Variants in TDG observed in about 807,000 individuals in gnomAD.
The protein encoded by TDG is thymine DNA glycosylase.
Under a neutral mutation model 46.1 loss-of-function variants are expected in TDG, and 23 were observed. That is an observed-to-expected ratio of 0.50 (90% CI 0.36 to 0.71). The LOEUF is 0.71. Among genes scored for constraint, TDG ranks in the 30% least tolerant of loss-of-function variants. The pLI is 0.00. For synonymous variants in TDG, 115 were observed against 161.3 expected (o/e 0.71, Z 2.18); for missense variants, 304 against 486.7 (o/e 0.62, Z 3.53).
intron 2 of TDG, among the ~76,000 whole-genome samples, chr12:103,978,630 A>G (rs1871654806): frequency 6.6e-6 from 1 of 152,218 alleles, no homozygotes; most frequent in East Asian, 1.9e-4. Flanking sequence ...GGAAACGCCA[A>G]AGAGGAGTAG....
chr12:103,974,118 G>A (rs1430087836), intron 1 of TDG, among the ~76,000 whole-genome samples: 1 of 152,066 alleles, frequency 6.6e-6, no homozygotes, highest in East Asian at 1.9e-4. Flanking sequence ...CCAGCCGCTG[G>A]GGGTGGTCTG....
In TDG at chr12:103,980,921, C is replaced by T. The variant is rs1871790095; in HGVS notation, c.437C>T (p.Ala146Val). The T allele has an allele frequency of 1.2e-6, 2 of 1,613,550 alleles. No homozygotes were observed. The highest frequency in any genetic ancestry group is 1.7e-5 in the Admixed American group (1 of 59,956). The change falls in exon 4 of 10, where the codon GCT (alanine) becomes GTT (valine). Residue 146 changes from alanine (A) to valine (V), a missense_variant. Transcript: ENST00000392872. Reference protein sequence around the residue: ...IIGINPGLMAAYKGHHYPGPG... With the variant: ...IIGINPGLMAVYKGHHYPGPG... Reference sequence around the variant, plus strand: ...GGCATAAACCCGGGACTAATGGCTGCTTACAAAGGGCATCATTACCCTGGA... The same window carrying T: ...GGCATAAACCCGGGACTAATGGCTGTTTACAAAGGGCATCATTACCCTGGA...
At chr12:103,979,092 GTTTTTCTTTTTTCTTTCTTTT>G (rs1203439740) in intron 2 of TDG, among the ~76,000 whole-genome samples, 1 of 96,460 alleles carries the variant, frequency 1.0e-5, no homozygotes, top group Non-Finnish European at 2.0e-5. Flanking sequence ...AAGCCATTGT[GTTTTTCTTTTTTCTTTCTTTT>G]TTTTTTTTGG....
intron 4 of TDG, 74 bp downstream of exon 4, chr12:103,981,036 A>G: frequency 1.5e-6 from 2 of 1,343,602 alleles, no homozygotes; most frequent in Non-Finnish European, 1.0e-6. Flanking sequence ...CAGAAAAACC[A>G]ATTGTGTTTT....
chr12:103,975,588 T>C (rs1354141052), intron 1 of TDG, among the ~76,000 whole-genome samples: 2 of 152,168 alleles, frequency 1.3e-5, no homozygotes, highest in East Asian at 3.8e-4. Flanking sequence ...ACTCATCGTG[T>C]TATCAGGAAC....
intron 1 of TDG, among the ~76,000 whole-genome samples, chr12:103,966,667 A>G (rs200652114): frequency 1.1e-4 from 1 of 9,214 alleles, no homozygotes; most frequent in Non-Finnish European, 2.1e-4. Context: ...GGGGGAGTCA[A>G]GAGAAAAATT....
intron 1 of TDG, among the ~76,000 whole-genome samples, chr12:103,970,286 T>C (rs1326575312): frequency 6.6e-6 from 1 of 152,178 alleles, no homozygotes; most frequent in Non-Finnish European, 1.5e-5. Flanking sequence ...AAGACTAGCC[T>C]GGGCAACATA....
At chr12:103,974,803 T>C (rs937407979) in intron 1 of TDG, among the ~76,000 whole-genome samples, 1 of 151,748 alleles carries the variant, frequency 6.6e-6, no homozygotes, top group Non-Finnish European at 1.5e-5. Flanking sequence ...ACCCTGTCTC[T>C]ACTAAAAATA....
At chr12:103,975,767 T>C (rs942578407) in intron 1 of TDG, among the ~76,000 whole-genome samples, 2 of 152,060 alleles carry the variant, frequency 1.3e-5, no homozygotes, top group African/African-American at 4.8e-5. Context: ...GCTCAAACAG[T>C]TCTCCTGCCT....
intron 9 of TDG, 34 bp downstream of exon 9, chr12:103,985,762 A>C: frequency 6.8e-7 from 1 of 1,469,578 alleles, no homozygotes; most frequent in East Asian, 2.6e-5. Flanking sequence ...TTCCTTTCAA[A>C]GACGGTTTGG....
intron 8 of TDG, 104 bp downstream of exon 8, chr12:103,985,024 CAT>C (rs776251872): frequency 9.8e-5 from 85 of 868,016 alleles, no homozygotes; most frequent in Non-Finnish European, 1.2e-4. Flanking sequence ...TACACATATA[CAT>C]ATGTGTGCAC....
chr12:103,982,729 C>T (rs955272684), intron 4 of TDG, 70 bp from the exon 5 acceptor site: 2 of 1,540,338 alleles, frequency 1.3e-6, no homozygotes, highest in African/African-American at 1.4e-5. Flanking sequence ...CGTGCCACTA[C>T]ACTCTAGCCT....
At chr12:103,974,311 C>T (rs1871418535) in intron 1 of TDG, among the ~76,000 whole-genome samples, 1 of 151,854 alleles carries the variant, frequency 6.6e-6, no homozygotes, top group East Asian at 1.9e-4. Flanking sequence ...GAGTCTCGTT[C>T]TGTCCCCCAG....
intron 5 of TDG, 90 bp from the exon 6 acceptor site, chr12:103,983,046 A>G: frequency 3.2e-6 from 5 of 1,558,056 alleles, no homozygotes; most frequent in South Asian, 2.4e-5. Context: ...CAAATGTACA[A>G]TATGCTCTTT....
intron 9 of TDG, 82 bp from the exon 10 acceptor site, chr12:103,986,866 T>TA (rs1872177911): frequency 1.3e-5 from 19 of 1,486,764 alleles, no homozygotes; most frequent in Non-Finnish European, 1.6e-5. Context: ...GCCTGGGCGA[T>TA]AGAGTAAGAC....
intron 2 of TDG, 127 bp from the exon 3 acceptor site, chr12:103,979,704 G>A (rs373718308): frequency 2.5e-6 from 3 of 1,183,168 alleles, no homozygotes; most frequent in Non-Finnish European, 3.5e-6. Context: ...GACTCATGTT[G>A]GGACTGTAAG....
At chr12:103,970,547 A>G (rs560501353) in intron 1 of TDG, among the ~76,000 whole-genome samples, 1 of 152,142 alleles carries the variant, frequency 6.6e-6, no homozygotes, top group Non-Finnish European at 1.5e-5. Context: ...AGTTGGAGTC[A>G]TTAATTTTAG....
At chr12:103,977,599 A>T (rs1221994566) in intron 2 of TDG, among the ~76,000 whole-genome samples, 1 of 152,188 alleles carries the variant, frequency 6.6e-6, no homozygotes, top group Non-Finnish European at 1.5e-5. Flanking sequence ...GTGAGGCTGG[A>T]TGGGGACAGT....
At position 103,979,109 on chromosome 12, in the gene TDG, C is replaced by T. The variant is rs2464127; in HGVS notation, c.167-722C>T. ...GCCATTGTGTTTTTCTTTTTTCTTT[C>T]TTTTTTTTTTTTGGACAGAGTCTTG... On this transcript the variant is annotated intron_variant, in intron 2 of 9. Coordinates refer to ENST00000392872, the MANE Select transcript of TDG (RefSeq NM_003211.6). 4.3e-4 allele frequency among the ~76,000 whole-genome samples: 53 copies of T among 123,568 alleles called. 2 individuals are homozygous for T. Among genetic ancestry groups the T allele is most frequent in the Non-Finnish European group, 3.1e-4 (19 of 61,852 alleles). 81.1% of individuals were successfully genotyped at this position (123,568 alleles called of 152,430 possible).
Sources: gnomAD v4.1 joint callset for allele counts (sites outside exome capture counted in the v4.1 genomes callset) on GRCh38, gnomAD v4.1.1 for gene constraint, MANE v1.5 for transcripts, NCBI Gene and HGNC (gene_info 2026-07-23, HGNC 2026-07-21) for gene names.